The following EML1 variants were observed in gnomAD, a reference collection of about 807,000 sequenced individuals.
EML1 encodes EMAP like 1.
Under a neutral mutation model 110.4 loss-of-function variants are expected in EML1, and 27 were observed. That is an observed-to-expected ratio of 0.24 (90% CI 0.18 to 0.34). The LOEUF is 0.34. Among genes scored for constraint, EML1 ranks in the 10% least tolerant of loss-of-function variants. The pLI, the probability that EML1 is intolerant of heterozygous loss-of-function variation, is 1.00. For missense variants in EML1, 741 were observed against 1,030.9 expected, an observed-to-expected ratio of 0.72 and a Z score of 3.85; for synonymous variants, 344 against 385.8, an observed-to-expected ratio of 0.89 and a Z score of 1.27.
chr14:99,772,527 G>A (rs2057437942), upstream of EML1, among the ~76,000 whole-genome samples: 1 of 152,200 alleles, frequency 6.6e-6, no homozygotes, highest in Admixed American at 6.5e-5. Flanking sequence ...ACCCCCTGGG[G>A]GTTGATTCCT....
intron 1 of EML1, among the ~76,000 whole-genome samples, chr14:99,782,911 T>C (rs1190223331): frequency 6.6e-6 from 1 of 152,174 alleles, no homozygotes; most frequent in Non-Finnish European, 1.5e-5. Context: ...CAGCTTATGA[T>C]AGCATTTGAA....
In EML1 at chr14:99,917,770, A is replaced by G; in HGVS notation, c.1753-12A>G. On this transcript the variant is annotated splice_polypyrimidine_tract_variant and intron_variant, in intron 15 of 21. Coordinates refer to ENST00000262233, the MANE Select transcript of EML1 (RefSeq NM_004434.3). ...CTGTTCATCAATTTACACTTCCTTT[A>G]AAATATTTTAGGATCCAGCTCAGTC... is the stretch of plus-strand genomic sequence containing the variant. 1 of 1,613,960 alleles carries G rather than the reference A, an allele frequency of 6.2e-7. No homozygotes were observed. Among genetic ancestry groups the G allele is most frequent in the Non-Finnish European group, 8.5e-7 (1 of 1,179,886 alleles).
rs767761147 is a variant in EML1 at position 99,907,673 on chromosome 14, C to T, written c.1044C>T (p.Ser348=). 6.2e-7 allele frequency: 1 copy of T among 1,614,122 alleles called. No individual in the cohort carries two copies. The highest frequency in any genetic ancestry group is 1.1e-5 in the South Asian group (1 of 91,082). ...GGTNLCAVDD[S]NDHVLSVWDW... ...CCAATCTCTGTGCTGTGGATGACTCCAACGACCATGTGCTCTCTGTATGGG... is the reference window on the plus strand; with the variant it reads ...CCAATCTCTGTGCTGTGGATGACTCTAACGACCATGTGCTCTCTGTATGGG... Residue 348 remains serine (S), a synonymous_variant, in exon 10 of 22, where the codon TCC becomes TCT. Coordinates refer to ENST00000262233, the MANE Select transcript of EML1 (RefSeq NM_004434.3).
chr14:99,777,495 C>T (rs2057496087), intron 1 of EML1, among the ~76,000 whole-genome samples: 1 of 152,236 alleles, frequency 6.6e-6, no homozygotes, highest in South Asian at 2.1e-4. Context: ...TCCTGGCTCA[C>T]TGCAACCTCT....
chr14:99,859,673 G>A (rs945691051), intron 2 of EML1, among the ~76,000 whole-genome samples: 2 of 152,052 alleles, frequency 1.3e-5, no homozygotes, highest in African/African-American at 4.8e-5. Context: ...ACTCTGCCTT[G>A]GTGTAAGCAC....
chr14:99,904,746 A>G (rs11850280), intron 9 of EML1, among the ~76,000 whole-genome samples: 44,677 of 152,072 alleles, frequency 0.29, 8,163 homozygotes, highest in African/African-American at 0.5. Flanking sequence ...TCCCAAGCAC[A>G]CGAAACAAGA....
At chr14:99,821,023 C>CTT (rs869159128) in intron 1 of EML1, among the ~76,000 whole-genome samples, 10 of 133,864 alleles carry the variant, frequency 7.5e-5, no homozygotes, top group African/African-American at 1.1e-4. Flanking sequence ...CTTACATTTA[C>CTT]TTTTTTTTTT....
At chr14:99,842,201 G>A (rs529135096) in intron 1 of EML1, among the ~76,000 whole-genome samples, 3 of 152,350 alleles carry the variant, frequency 2.0e-5, no homozygotes, top group Non-Finnish European at 4.4e-5. Flanking sequence ...TTCAGATGAA[G>A]TTTCACATCT....
intron 1 of EML1, among the ~76,000 whole-genome samples, chr14:99,817,844 C>A (rs1398511828): frequency 6.6e-6 from 1 of 152,162 alleles, no homozygotes; most frequent in Admixed American, 6.5e-5. Flanking sequence ...GCCATGATCA[C>A]AGTAAGCAGA....
intron 1 of EML1, among the ~76,000 whole-genome samples, chr14:99,782,703 G>A (rs2057554234): frequency 1.3e-5 from 2 of 152,064 alleles, no homozygotes; most frequent in Admixed American, 6.6e-5. Context: ...GCAAAAATAT[G>A]AGCAAGAGTT....
At chr14:99,824,390 C>T (rs1420475879) in intron 1 of EML1, among the ~76,000 whole-genome samples, 1 of 152,026 alleles carries the variant, frequency 6.6e-6, no homozygotes, top group Non-Finnish European at 1.5e-5. Flanking sequence ...ATCAAAATCA[C>T]AATAATACAG....
chr14:99,869,873 T>C (rs762363878), intron 3 of EML1, among the ~76,000 whole-genome samples: 1 of 152,204 alleles, frequency 6.6e-6, no homozygotes, highest in Non-Finnish European at 1.5e-5. Context: ...GCTCCTGTCT[T>C]GTCTTCTGCC....
chr14:99,923,712 G>A (rs1009660713), intron 17 of EML1, among the ~76,000 whole-genome samples: 1 of 152,188 alleles, frequency 6.6e-6, no homozygotes, highest in Non-Finnish European at 1.5e-5. Flanking sequence ...TGTCACTGCT[G>A]CAAATTTGTT....
intron 2 of EML1, among the ~76,000 whole-genome samples, chr14:99,863,298 C>A (rs2059034144): frequency 6.6e-6 from 1 of 152,194 alleles, no homozygotes; most frequent in African/African-American, 2.4e-5. Flanking sequence ...CCCCCCACTA[C>A]CTTCAGTGAG....
At chr14:99,878,133 G>A (rs1451425039) in intron 3 of EML1, among the ~76,000 whole-genome samples, 1 of 142,836 alleles carries the variant, frequency 7.0e-6, no homozygotes. Flanking sequence ...TTCTTCCAAT[G>A]TGGCCCAGGG....
intron 15 of EML1, among the ~76,000 whole-genome samples, chr14:99,917,289 G>A (rs2060049236): frequency 1.3e-5 from 2 of 152,190 alleles, no homozygotes; most frequent in South Asian, 4.1e-4. Context: ...AGAAATTTAA[G>A]TCAGGCTCAA....
At chr14:99,922,559 T>G (rs1378765439) in intron 17 of EML1, among the ~76,000 whole-genome samples, 1 of 152,236 alleles carries the variant, frequency 6.6e-6, no homozygotes, top group African/African-American at 2.4e-5. Flanking sequence ...AACTTATGTT[T>G]AACATTTTAT....
Position 99,836,991 on chromosome 14 carries a change from A to ATTTT in EML1, c.68-13850_68-13847dup, listed in dbSNP as rs35306819. 3.5e-4 allele frequency among the ~76,000 whole-genome samples: 49 copies of ATTTT among 141,586 alleles called. No individual in the cohort carries two copies. In the East Asian group the frequency reaches 5.6e-3, roughly 16 times the overall value. The allele number at this position is 141,586 out of a possible 152,430, so 92.9% of individuals were successfully genotyped here. Reference sequence around the variant, plus strand: ...TAGGTGAGCTCTGGTAATTGTTCTAATTTTTTTTTTTTTTTGGATGATTTT... The same window carrying ATTTT: ...TAGGTGAGCTCTGGTAATTGTTCTAATTTTTTTTTTTTTTTTTTTGGATGATTTT... On this transcript the variant is annotated intron_variant, in intron 1 of 21. Coordinates refer to ENST00000262233, the MANE Select transcript of EML1 (RefSeq NM_004434.3).
intron 1 of EML1, chr14:99,809,677 GT>G (rs772060567): frequency 2.2e-6 from 1 of 456,106 alleles, no homozygotes; most frequent in South Asian, 1.5e-5. Context: ...AAACCCAGAT[GT>G]TTTTTGGTAA....
Sources: allele counts gnomAD v4.1 joint callset (sites outside exome capture counted in the v4.1 genomes callset), GRCh38; gene constraint gnomAD v4.1.1; transcripts MANE v1.5; gene names NCBI Gene and HGNC (gene_info 2026-07-23, HGNC 2026-07-21).